The following FZD3 variants were observed in gnomAD, a reference collection of about 807,000 sequenced individuals.
FZD3 encodes the protein frizzled-3.
In FZD3, 30 loss-of-function variants were observed where a neutral mutation model predicts 60.7. That is an observed-to-expected ratio of 0.49 (90% CI 0.37 to 0.67). The LOEUF (loss-of-function observed/expected upper bound fraction) is 0.67, where lower values mean the gene tolerates loss of function less well. Among genes scored for constraint, FZD3 ranks in the 30% least tolerant of loss-of-function variants. The pLI, the probability that FZD3 is intolerant of heterozygous loss-of-function variation, is 0.00. For synonymous variants in FZD3, 246 were observed against 275.2 expected, an observed-to-expected ratio of 0.89 and a Z score of 1.05; for missense variants, 605 against 838.7, an observed-to-expected ratio of 0.72 and a Z score of 3.44.
In FZD3 at chr8:28,563,871, A is replaced by G. The variant is rs1371729985; in HGVS notation, c.*860A>G. The G allele has an allele frequency of 6.5e-6, 1 of 152,684 alleles. No homozygotes were observed. Among genetic ancestry groups the G allele is most frequent in the Non-Finnish European group, 1.5e-5 (1 of 68,054 alleles). The allele number at this position is 152,684 out of a possible 1,614,324, so 9.5% of individuals were successfully genotyped here. A position where few individuals can be genotyped will look rare whatever the true frequency, so the allele number is the denominator to read the frequency against. On this transcript the variant is annotated 3_prime_UTR_variant, in exon 8 of 8. Coordinates refer to ENST00000240093, the MANE Select transcript of FZD3 (RefSeq NM_017412.4). ...GCATGTAATAAGATAAACATCATAC[A>G]TTATAAGGTAACCACAATTACAAAA...
Position 28,568,273 on chromosome 8 carries a change from A to G in FZD3, c.*5262A>G, listed in dbSNP as rs764824123. ...AGCTGTATTTCCTAGTAGCTGTATA[A>G]TCTTACACATTATTCTTATATAATT... On this transcript the variant is annotated 3_prime_UTR_variant, in exon 8 of 8. Transcript: ENST00000240093. 1.3e-5 allele frequency: 2 copies of G among 152,194 alleles called. No individual in the cohort carries two copies. Among genetic ancestry groups the G allele is most frequent in the African/African-American group, 2.4e-5 (1 of 41,464 alleles). 9.4% of individuals were successfully genotyped at this position (152,194 alleles called of 1,614,324 possible). A position where few individuals can be genotyped will look rare whatever the true frequency, so the allele number is the denominator to read the frequency against.
At position 28,563,715 on chromosome 8, in the gene FZD3, T is replaced by G. The variant is rs749413767; in HGVS notation, c.*704T>G. ...GCTGTTTTTATAACTTTTGTAAATA[T>G]TACTTTTTCTGGCTGTGTTTTTATA... On this transcript the variant is annotated 3_prime_UTR_variant, in exon 8 of 8. Coordinates refer to ENST00000240093, the MANE Select transcript of FZD3 (RefSeq NM_017412.4). The G allele has an allele frequency of 6.6e-6, 1 of 152,388 alleles. No individual in the cohort carries two copies. Among genetic ancestry groups the G allele is most frequent in the Admixed American group, 6.5e-5 (1 of 15,278 alleles). The allele number at this position is 152,388 out of a possible 1,614,324, so 9.4% of individuals were successfully genotyped here. A position where few individuals can be genotyped will look rare whatever the true frequency, so the allele number is the denominator to read the frequency against.
chr8:28,544,815 G>A (rs940463145), intron 5 of FZD3, among the ~76,000 whole-genome samples: 1 of 152,112 alleles, frequency 6.6e-6, no homozygotes, highest in African/African-American at 2.4e-5. Context: ...CTGAAACTGG[G>A]TAATTTTTAA....
intron 5 of FZD3, among the ~76,000 whole-genome samples, chr8:28,530,934 CTTTTACTAA>C (rs1168510533): frequency 2.0e-5 from 3 of 151,902 alleles, no homozygotes; most frequent in Admixed American, 2.0e-4. Context: ...AAAATGTTTC[CTTTTACTAA>C]TATAAAGGAA....
intron 3 of FZD3, among the ~76,000 whole-genome samples, chr8:28,515,198 A>G (rs1169459233): frequency 6.6e-6 from 1 of 152,238 alleles, no homozygotes; most frequent in Non-Finnish European, 1.5e-5. Flanking sequence ...TAGCATTGGA[A>G]TGTATCCAAG....
intron 5 of FZD3, among the ~76,000 whole-genome samples, chr8:28,546,969 CAAAA>C (rs1242110166): frequency 5.2e-5 from 4 of 76,714 alleles, no homozygotes; most frequent in Non-Finnish European, 5.7e-5. Context: ...GACTCCGTCT[CAAAA>C]AAAAAAAAAA....
intron 5 of FZD3, among the ~76,000 whole-genome samples, chr8:28,537,019 T>G (rs935066427): frequency 6.6e-6 from 1 of 152,322 alleles, no homozygotes; most frequent in African/African-American, 2.4e-5. Context: ...AACCTTTTTT[T>G]TGTTTTTCTA....
At chr8:28,503,306 G>C in intron 3 of FZD3, 104 bp downstream of exon 3, 2 of 593,612 alleles carry the variant, frequency 3.4e-6, no homozygotes, top group Non-Finnish European at 5.8e-6. Flanking sequence ...AAAATAATAT[G>C]CTATTTTAAA....
chr8:28,506,690 G>A (rs1405281553), intron 3 of FZD3, among the ~76,000 whole-genome samples: 1 of 151,960 alleles, frequency 6.6e-6, no homozygotes, highest in Non-Finnish European at 1.5e-5. Context: ...ATGATTTAAG[G>A]TTTTCTTATA....
intron 3 of FZD3, among the ~76,000 whole-genome samples, chr8:28,503,732 G>A (rs1804061221): frequency 6.6e-6 from 1 of 152,156 alleles, no homozygotes; most frequent in Non-Finnish European, 1.5e-5. Flanking sequence ...TGAGGACAGG[G>A]ATATATATAC....
intron 5 of FZD3, among the ~76,000 whole-genome samples, chr8:28,547,952 A>G (rs1412371751): frequency 6.6e-6 from 1 of 151,354 alleles, no homozygotes; most frequent in Non-Finnish European, 1.5e-5. Flanking sequence ...TCCCAGGTTC[A>G]AGCAATTCTT....
intron 4 of FZD3, among the ~76,000 whole-genome samples, chr8:28,524,105 C>T (rs1804655168): frequency 6.6e-6 from 1 of 152,130 alleles, no homozygotes; most frequent in African/African-American, 2.4e-5. Flanking sequence ...TACCTAGTCT[C>T]AAGTATTCTG....
chr8:28,516,711 G>T (rs964641138), intron 3 of FZD3, among the ~76,000 whole-genome samples: 3 of 151,758 alleles, frequency 2.0e-5, no homozygotes, highest in African/African-American at 7.3e-5. Context: ...ATCTACTTGG[G>T]TTTATATCTA....
intron 3 of FZD3, among the ~76,000 whole-genome samples, chr8:28,514,317 T>TA (rs61103140): frequency 1.3e-5 from 2 of 151,224 alleles, no homozygotes; most frequent in Non-Finnish European, 3.0e-5. Flanking sequence ...TTGTTAAGGA[T>TA]AAAAAAAAAA....
At chr8:28,551,780 C>T in intron 6 of FZD3, 29 bp downstream of exon 6, 1 of 1,553,698 alleles carries the variant, frequency 6.4e-7, no homozygotes, top group African/African-American at 1.4e-5. Flanking sequence ...TCACAGTGTT[C>T]ACAAACCTCA....
intron 2 of FZD3, among the ~76,000 whole-genome samples, chr8:28,500,258 G>T (rs748682580): frequency 3.3e-5 from 5 of 152,174 alleles, no homozygotes; most frequent in Admixed American, 1.3e-4. Flanking sequence ...TAATTTGAAT[G>T]TCATAGTACA....
chr8:28,551,675 C>T lies in FZD3; in HGVS notation c.1477C>T (p.Pro493Ser). Residue 493 changes from proline (P) to serine (S), a missense_variant, in exon 6 of 8, where the codon CCC becomes TCC. Coordinates refer to ENST00000240093, the MANE Select transcript of FZD3 (RefSeq NM_017412.4). ...KYLMALIVGI[P>S]SVFWVGSKKT... is the part of the protein sequence containing the mutation. ...CCTGATGGCTCTCATAGTTGGCATT[C>T]CCTCTGTATTTTGGGTTGGAAGCAA... The T allele has an allele frequency of 6.2e-7, 1 of 1,611,764 alleles. No homozygotes were observed. The highest frequency in any genetic ancestry group is 8.5e-7 in the Non-Finnish European group (1 of 1,178,106).
intron 6 of FZD3, among the ~76,000 whole-genome samples, chr8:28,552,590 C>A (rs934712269): frequency 6.6e-6 from 1 of 152,036 alleles, no homozygotes; most frequent in Non-Finnish European, 1.5e-5. Flanking sequence ...ATCTAGGATC[C>A]ATGGAAGAAT....
intron 2 of FZD3, among the ~76,000 whole-genome samples, chr8:28,501,097 G>A (rs1298573976): frequency 6.6e-6 from 1 of 152,130 alleles, no homozygotes; most frequent in African/African-American, 2.4e-5. Context: ...CAACATTTGT[G>A]GGGAGAAAAA....
Sources: gnomAD v4.1 joint callset for allele counts (sites outside exome capture counted in the v4.1 genomes callset) on GRCh38, gnomAD v4.1.1 for gene constraint, MANE v1.5 for transcripts, NCBI Gene and HGNC (gene_info 2026-07-23, HGNC 2026-07-21) for gene names.